KAZN: variants seen among roughly 807,000 people sequenced by gnomAD.
KAZN encodes the protein kazrin.
Under a neutral mutation model 87.4 loss-of-function variants are expected in KAZN, and 40 were observed. The ratio of observed to expected loss-of-function variants is 0.46; its 90% CI spans 0.36 to 0.60. The LOEUF is 0.60. Ranked by LOEUF, KAZN falls within the 20% of genes least tolerant of loss-of-function variation. KAZN has a pLI of 0.00. For synonymous variants in KAZN, 466 were observed against 458.3 expected (o/e 1.02, Z -0.22); for missense variants, 898 against 1,073.9 (o/e 0.84, Z 2.29).
At chr1:14,640,280 T>C (rs1010709169) in intron 1 of KAZN, among the ~76,000 whole-genome samples, 4 of 152,330 alleles carry the variant, frequency 2.6e-5, no homozygotes, top group African/African-American at 9.6e-5. Flanking sequence ...TGGAATATGC[T>C]CTGATACTAT....
intron 2 of KAZN, among the ~76,000 whole-genome samples, chr1:14,590,910 T>A (rs1214435989): frequency 1.3e-5 from 2 of 152,168 alleles, no homozygotes; most frequent in East Asian, 1.9e-4. Flanking sequence ...AGGGCTGGAC[T>A]TAAACCCATG....
intron 1 of KAZN, among the ~76,000 whole-genome samples, chr1:13,971,753 T>C (rs1197993972): frequency 6.6e-6 from 1 of 152,192 alleles, no homozygotes; most frequent in Non-Finnish European, 1.5e-5. Context: ...ATCATGGGTG[T>C]GCATCCTTCA....
At chr1:14,019,069 T>G (rs1471589466) in intron 1 of KAZN, among the ~76,000 whole-genome samples, 1 of 152,174 alleles carries the variant, frequency 6.6e-6, no homozygotes, top group Non-Finnish European at 1.5e-5. Flanking sequence ...TTTCAAAAGC[T>G]CTTTCTAATA....
In KAZN at chr1:14,023,765, G is replaced by A. The variant is rs113259953; in HGVS notation, c.91+130009G>A. Among the ~76,000 whole-genome samples, 212 of 152,272 alleles carry A rather than the reference G, an allele frequency of 1.4e-3. 1 individual carries two copies. The highest frequency in any genetic ancestry group is 4.9e-3 in the African/African-American group (204 of 41,556). On this transcript the variant is annotated intron_variant, in intron 1 of 16. Transcript: ENST00000636203. The stretch of plus-strand genomic sequence containing the variant: ...AACCAAACCCTCAGATGCCAGGAGG[G>A]GAAGTGGGTGAGTGAGGATGAGTTC...
At chr1:14,632,362 A>C (rs920926693) in intron 1 of KAZN, among the ~76,000 whole-genome samples, 2 of 152,180 alleles carry the variant, frequency 1.3e-5, no homozygotes, top group Admixed American at 1.3e-4. Context: ...ATAGAGAAGA[A>C]TCCTTCTGCT....
At chr1:14,164,350 T>G (rs1645773566) in intron 1 of KAZN, among the ~76,000 whole-genome samples, 1 of 152,036 alleles carries the variant, frequency 6.6e-6, no homozygotes, top group African/African-American at 2.4e-5. Context: ...TGCTGACTGT[T>G]GGCACAAGGT....
intron 2 of KAZN, among the ~76,000 whole-genome samples, chr1:14,339,594 C>G (rs998957219): frequency 9.9e-5 from 15 of 152,202 alleles, no homozygotes; most frequent in African/African-American, 3.6e-4. Flanking sequence ...GATATTCGAG[C>G]TCAAAGGCAG....
At chr1:15,080,872 CACT>C (rs1402128157) in intron 8 of KAZN, among the ~76,000 whole-genome samples, 1 of 152,198 alleles carries the variant, frequency 6.6e-6, no homozygotes, top group Non-Finnish European at 1.5e-5. Context: ...GGAGCAGCTA[CACT>C]CGGTGCTCCC....
chr1:14,980,274 G>A (rs1666096273), intron 2 of KAZN, among the ~76,000 whole-genome samples: 1 of 152,230 alleles, frequency 6.6e-6, no homozygotes. Context: ...TGTTTAAACT[G>A]GGAGAGTTTT....
intron 2 of KAZN, among the ~76,000 whole-genome samples, chr1:14,482,517 ATAATAT>A (rs1054057279): frequency 1.1e-4 from 12 of 109,204 alleles, no homozygotes; most frequent in African/African-American, 3.2e-4. Context: ...TAAAACAGAG[ATAATAT>A]TAATATCTCC....
At chr1:14,019,784 C>T (rs1640738144) in intron 1 of KAZN, among the ~76,000 whole-genome samples, 1 of 152,164 alleles carries the variant, frequency 6.6e-6, no homozygotes, top group Admixed American at 6.5e-5. Flanking sequence ...GCTATTAAAA[C>T]TCATTCCTTA....
At chr1:14,864,807 G>C (rs559215665) in intron 1 of KAZN, among the ~76,000 whole-genome samples, 1 of 152,170 alleles carries the variant, frequency 6.6e-6, no homozygotes, top group African/African-American at 2.4e-5. Context: ...CCACTTTCTG[G>C]CTATCACTTC....
chr1:14,851,711 T>C (rs1003934313), intron 1 of KAZN, among the ~76,000 whole-genome samples: 4 of 152,206 alleles, frequency 2.6e-5, no homozygotes, highest in Admixed American at 6.5e-5. Context: ...TGAAGTGGGA[T>C]GGCAAGGCCC....
At chr1:14,639,433 C>A (rs1486961626) in intron 1 of KAZN, among the ~76,000 whole-genome samples, 1 of 152,196 alleles carries the variant, frequency 6.6e-6, no homozygotes, top group African/African-American at 2.4e-5. Context: ...TTTGAGTGGT[C>A]AAATGTCCCC....
Position 14,983,412 on chromosome 1 carries a change from A to G in KAZN, c.418+22537A>G, listed in dbSNP as rs966193098. The stretch of plus-strand genomic sequence containing the variant: ...CCTGAGATATCGTTGCTCGCCTATC[A>G]GGTTGGCAAAACCCCTAAAGTACAC... On this transcript the variant is annotated intron_variant, in intron 2 of 14. Transcript: ENST00000376030. Among the ~76,000 whole-genome samples, 16 of 152,342 alleles carry G rather than the reference A, an allele frequency of 1.1e-4. 1 individual carries two copies. Among genetic ancestry groups the G allele is most frequent in the African/African-American group, 3.8e-4 (16 of 41,592 alleles).
At chr1:15,006,633 G>A (rs898141175) in intron 2 of KAZN, among the ~76,000 whole-genome samples, 4 of 152,214 alleles carry the variant, frequency 2.6e-5, no homozygotes, top group African/African-American at 9.7e-5. Flanking sequence ...GGATACAGCA[G>A]TTGACAAAAC....
intron 1 of KAZN, among the ~76,000 whole-genome samples, chr1:14,143,175 A>G (rs1053969644): frequency 1.3e-5 from 2 of 152,202 alleles, no homozygotes; most frequent in African/African-American, 4.8e-5. Flanking sequence ...ATGCATCCAG[A>G]AGAAAGCATT....
intron 2 of KAZN, among the ~76,000 whole-genome samples, chr1:14,387,416 GCT>G (rs1662017357): frequency 6.6e-6 from 1 of 152,240 alleles, no homozygotes; most frequent in East Asian, 1.9e-4. Flanking sequence ...CAGTTTTTCT[GCT>G]CTGTTTTTTC....
At chr1:14,688,649 C>T (rs921706281) in intron 1 of KAZN, among the ~76,000 whole-genome samples, 3 of 152,240 alleles carry the variant, frequency 2.0e-5, no homozygotes, top group African/African-American at 7.2e-5. Flanking sequence ...TGTTTCTTCT[C>T]AAGGGAGAAG....
Sources: allele counts gnomAD v4.1 joint callset (sites outside exome capture counted in the v4.1 genomes callset), GRCh38; gene constraint gnomAD v4.1.1; transcripts MANE v1.5; gene names NCBI Gene and HGNC (gene_info 2026-07-23, HGNC 2026-07-21).